Variants in MED13L observed in about 807,000 individuals in gnomAD.
MED13L encodes the protein mediator complex subunit 13L.
In MED13L, 7 loss-of-function variants were observed where a neutral mutation model predicts 220.9. The observed-to-expected ratio is 0.03, with a 90% CI of 0.02 to 0.06. The LOEUF (loss-of-function observed/expected upper bound fraction) is 0.06. Among genes scored for constraint, MED13L ranks in the 10% least tolerant of loss-of-function variants. MED13L has a pLI of 1.00. For synonymous variants in MED13L, 1,011 were observed against 1,015.2 expected, an observed-to-expected ratio of 1.00 and a Z score of 0.08; for missense variants, 1,965 against 2,760.5, an observed-to-expected ratio of 0.71 and a Z score of 6.46.
chr12:116,057,763 A>T (rs566128141), intron 4 of MED13L, among the ~76,000 whole-genome samples: 92 of 152,116 alleles, frequency 6.0e-4, no homozygotes, highest in African/African-American at 2.1e-3. Context: ...TGATTCTCAG[A>T]GGTCAAAAAA....
intron 2 of MED13L, among the ~76,000 whole-genome samples, chr12:116,139,670 T>A (rs1160131283): frequency 1.3e-5 from 2 of 152,108 alleles, no homozygotes; most frequent in Non-Finnish European, 2.9e-5. Flanking sequence ...CAAACGGTAT[T>A]AACAATATGC....
intron 2 of MED13L, chr12:116,174,487 G>T (rs376816947): frequency 2.1e-4 from 29 of 136,504 alleles, no homozygotes; most frequent in African/African-American, 4.3e-4. Context: ...TTTTTGTTTT[G>T]TTTTTTTTTT....
At chr12:116,092,498 G>A (rs927265492) in intron 4 of MED13L, among the ~76,000 whole-genome samples, 5 of 152,080 alleles carry the variant, frequency 3.3e-5, no homozygotes. Flanking sequence ...TAAAGGGGAG[G>A]GGAGGATGAA....
chr12:116,188,130 T>TA (rs11351336), intron 2 of MED13L, among the ~76,000 whole-genome samples: 1,700 of 148,236 alleles, frequency 0.011, 16 homozygotes, highest in Admixed American at 0.017. Flanking sequence ...AACAAATTAT[T>TA]AAAAAAAAAA....
chr12:115,982,331 T>G (rs1565991982), intron 22 of MED13L, 53 bp downstream of exon 22: 1 of 1,547,640 alleles, frequency 6.5e-7, no homozygotes, highest in East Asian at 2.3e-5. Flanking sequence ...TTTATTTTCA[T>G]AACAACAAAA....
chr12:116,182,163 C>A (rs184159665), intron 2 of MED13L, among the ~76,000 whole-genome samples: 381 of 152,242 alleles, frequency 2.5e-3, no homozygotes, highest in African/African-American at 8.9e-3. Context: ...TCATCTAAAT[C>A]CAACTCACAA....
intron 2 of MED13L, among the ~76,000 whole-genome samples, chr12:116,232,348 AAATT>A (rs2138436596): frequency 6.6e-6 from 1 of 152,334 alleles, no homozygotes; most frequent in South Asian, 2.1e-4. Flanking sequence ...GAGACAACAT[AAATT>A]TTAAAATTGT....
At chr12:116,264,507 C>G (rs1229488786) in intron 1 of MED13L, among the ~76,000 whole-genome samples, 1 of 152,198 alleles carries the variant, frequency 6.6e-6, no homozygotes, top group Non-Finnish European at 1.5e-5. Context: ...AAGCTCACTA[C>G]TTTTAATCCT....
Position 115,960,971 on chromosome 12 carries a change from G to A in MED13L, c.*295C>T. ...TGTCTCTTCTGTTTCCCGCTGAAAA[G>A]CCATCAACCACCACCACTTCCTGGG... On this transcript the variant is annotated 3_prime_UTR_variant, in exon 31 of 31. Coordinates refer to ENST00000281928, the MANE Select transcript of MED13L (RefSeq NM_015335.5). The A allele has an allele frequency of 1.2e-5, 5 of 432,012 alleles. No homozygotes were observed. The highest frequency in any genetic ancestry group is 1.1e-4 in the South Asian group (5 of 47,342). The allele number at this position is 432,012 out of a possible 1,614,324, so 26.8% of individuals were successfully genotyped here.
At chr12:116,229,881 T>G (rs1463244051) in intron 2 of MED13L, among the ~76,000 whole-genome samples, 1 of 152,164 alleles carries the variant, frequency 6.6e-6, no homozygotes, top group Non-Finnish European at 1.5e-5. Context: ...GCAAACTCAT[T>G]CTTTCAAATA....
intron 4 of MED13L, among the ~76,000 whole-genome samples, chr12:116,029,741 T>C (rs967500618): frequency 1.3e-5 from 2 of 152,156 alleles, no homozygotes; most frequent in African/African-American, 4.8e-5. Context: ...CTCAGAAATA[T>C]ACACAGAAAA....
In MED13L at chr12:115,959,458, A is replaced by C. The variant is rs1325823074; in HGVS notation, c.*1808T>G. ...CCCAAAGTGGTAAAAGATTACAAAT[A>C]TCTACTTTACAATTTGTCTTCTCAC... On this transcript the variant is annotated 3_prime_UTR_variant, in exon 31 of 31. Transcript: ENST00000281928. 1.3e-5 allele frequency: 2 copies of C among 152,746 alleles called. No individual in the cohort carries two copies. Among genetic ancestry groups the C allele is most frequent in the African/African-American group, 4.8e-5 (2 of 41,582 alleles). 9.5% of individuals were successfully genotyped at this position (152,746 alleles called of 1,614,324 possible). A position where few individuals can be genotyped will look rare whatever the true frequency, so the allele number is the denominator to read the frequency against.
At chr12:116,072,954 A>G (rs1870497058) in intron 4 of MED13L, among the ~76,000 whole-genome samples, 1 of 152,238 alleles carries the variant, frequency 6.6e-6, no homozygotes, top group South Asian at 2.1e-4. Context: ...ACACTCGGAT[A>G]CTAGGAATTT....
intron 4 of MED13L, among the ~76,000 whole-genome samples, chr12:116,047,858 T>C (rs923802030): frequency 6.6e-6 from 1 of 152,208 alleles, no homozygotes; most frequent in Non-Finnish European, 1.5e-5. Context: ...CAGTACAGCC[T>C]TCCCTCTTGT....
intron 4 of MED13L, among the ~76,000 whole-genome samples, chr12:116,035,666 C>T (rs1592972371): frequency 1.3e-5 from 2 of 152,108 alleles, no homozygotes; most frequent in East Asian, 3.9e-4. Context: ...TCATGACTCA[C>T]TGCAGCCTCG....
At chr12:116,181,862 G>A (rs1162482938) in intron 2 of MED13L, among the ~76,000 whole-genome samples, 1 of 152,168 alleles carries the variant, frequency 6.6e-6, no homozygotes, top group Non-Finnish European at 1.5e-5. Flanking sequence ...GAAACCTTAA[G>A]ATTACATTTC....
At chr12:116,113,001 A>G (rs1874210982) in intron 2 of MED13L, among the ~76,000 whole-genome samples, 1 of 152,216 alleles carries the variant, frequency 6.6e-6, no homozygotes. Flanking sequence ...TATCACTTAC[A>G]ATTTTTACCT....
intron 4 of MED13L, among the ~76,000 whole-genome samples, chr12:116,095,519 G>A (rs146747884): frequency 1.7e-4 from 26 of 152,276 alleles, no homozygotes; most frequent in African/African-American, 5.5e-4. Context: ...TACTAATTAA[G>A]TCTCTGCTAG....
chr12:116,245,706 T>TA (rs1225275650), intron 1 of MED13L, among the ~76,000 whole-genome samples: 7 of 151,692 alleles, frequency 4.6e-5, no homozygotes, highest in Admixed American at 4.0e-4. Context: ...GTTTAGAAGA[T>TA]AAAGTTTAGG....
Sources: allele counts gnomAD v4.1 joint callset (sites outside exome capture counted in the v4.1 genomes callset), GRCh38; gene constraint gnomAD v4.1.1; transcripts MANE v1.5; gene names NCBI Gene and HGNC (gene_info 2026-07-23, HGNC 2026-07-21).